Variants in BRCC3 observed in about 807,000 individuals in gnomAD.
BRCC3 encodes lys-63-specific deubiquitinase BRCC36.
BRCC3 carries 15 observed loss-of-function variants against 28.0 expected under a neutral mutation model. The ratio of observed to expected loss-of-function variants is 0.54; its 90% CI spans 0.36 to 0.82. BRCC3 has a LOEUF of 0.82. Ranked by LOEUF, BRCC3 falls within the 40% of genes least tolerant of loss-of-function variation. The probability of loss-of-function intolerance (pLI) is 0.01; values close to 1 mark genes in which losing one functional copy is unlikely to be tolerated. For missense variants in BRCC3, 109 were observed against 225.9 expected, an observed-to-expected ratio of 0.48 and a Z score of 3.32; for synonymous variants, 66 against 80.3, an observed-to-expected ratio of 0.82 and a Z score of 0.95.
chrX:155,100,069 G>A (rs1557296704), intron 7 of BRCC3, among the ~76,000 whole-genome samples: 1 of 111,622 alleles, frequency 9.0e-6, no homozygotes, highest in African/African-American at 3.3e-5. Flanking sequence ...AAAGTTGTAA[G>A]AATAGTATTA....
intron 7 of BRCC3, among the ~76,000 whole-genome samples, chrX:155,091,437 A>G (rs1178381124): frequency 3.6e-5 from 4 of 109,869 alleles, no homozygotes; most frequent in African/African-American, 6.7e-5. Context: ...ACGCGCAGCT[A>G]ATTTTTGTAT....
chrX:155,084,975 A>G (rs1344869278), intron 5 of BRCC3, among the ~76,000 whole-genome samples: 1 of 111,190 alleles, frequency 9.0e-6, no homozygotes, highest in African/African-American at 3.3e-5. Context: ...GTCTCTTAAA[A>G]TTTTTTTTTA....
chrX:155,105,381 G>T (rs1370905087), intron 7 of BRCC3, among the ~76,000 whole-genome samples: 2 of 111,703 alleles, frequency 1.8e-5, no homozygotes, highest in East Asian at 5.6e-4. Flanking sequence ...TACTCGGGAG[G>T]CTGAGGCAGG....
chrX:155,111,549 G>T (rs1228999081), intron 7 of BRCC3, among the ~76,000 whole-genome samples: 1 of 111,836 alleles, frequency 8.9e-6, no homozygotes, highest in Non-Finnish European at 1.9e-5. Context: ...GGGACAGCTG[G>T]ATATCCACAT....
At chrX:155,086,068 A>G (rs1557294808) in intron 5 of BRCC3, among the ~76,000 whole-genome samples, 1 of 111,436 alleles carries the variant, frequency 9.0e-6, no homozygotes, top group Non-Finnish European at 1.9e-5. Flanking sequence ...GTCATGCCCA[A>G]GGGATTCTGA....
At chrX:155,106,739 A>C (rs2074287517) in intron 7 of BRCC3, among the ~76,000 whole-genome samples, 1 of 112,558 alleles carries the variant, frequency 8.9e-6, no homozygotes, top group Non-Finnish European at 1.9e-5. Flanking sequence ...CAGAAATGTA[A>C]GTAGCAGTGA....
intron 3 of BRCC3, among the ~76,000 whole-genome samples, chrX:155,073,853 A>G (rs1189763736): frequency 1.8e-5 from 2 of 111,233 alleles, no homozygotes; most frequent in African/African-American, 6.6e-5. Context: ...CTTTTTTCCT[A>G]TCTGCACTCC....
chrX:155,075,570 A>G (rs1224048314), intron 3 of BRCC3, among the ~76,000 whole-genome samples: 1 of 111,172 alleles, frequency 9.0e-6, no homozygotes, highest in African/African-American at 3.3e-5. Flanking sequence ...CGTTCTACCT[A>G]GTTTCAACCT....
Position 155,090,764 on chromosome X carries a change from TTTC to T in BRCC3, c.493-17_493-15del. The stretch of plus-strand genomic sequence containing the variant: ...TCTTTCTTTGTGTGATATTTCTTTC[TTTC>T]TTTTTTCCTTTGATAGACTGGCCGG... On this transcript the variant is annotated splice_polypyrimidine_tract_variant and intron_variant, in intron 6 of 10. Coordinates refer to ENST00000330045, the MANE Select transcript of BRCC3 (RefSeq NM_001018055.3). 1 of 1,166,490 alleles carries T rather than the reference TTTC, an allele frequency of 8.6e-7. No individual in the cohort carries two copies. The highest frequency in any genetic ancestry group is 1.2e-6 in the Non-Finnish European group (1 of 861,169).
chrX:155,102,935 G>T (rs1288334522), intron 7 of BRCC3, among the ~76,000 whole-genome samples: 3 of 110,774 alleles, frequency 2.7e-5, no homozygotes, highest in Non-Finnish European at 5.7e-5. Flanking sequence ...CATAGTTTTT[G>T]TGTGTGTGTG....
chrX:155,075,292 CCCTGGCCCTT>C (rs1569560417), intron 3 of BRCC3, among the ~76,000 whole-genome samples: 4 of 109,076 alleles, frequency 3.7e-5, no homozygotes, highest in African/African-American at 1.4e-4. Flanking sequence ...CCACTCTTTC[CCCTGGCCCTT>C]CTTGTTCTTC....
At chrX:155,091,117 G>T (rs2074171512) in intron 7 of BRCC3, among the ~76,000 whole-genome samples, 1 of 111,550 alleles carries the variant, frequency 9.0e-6, no homozygotes, top group Non-Finnish European at 1.9e-5. Flanking sequence ...TAACTGAGCT[G>T]CTATTTTTCC....
At chrX:155,115,992 T>C (rs2074352294) in intron 7 of BRCC3, 65 bp from the exon 8 acceptor site, 7 of 1,087,250 alleles carry the variant, frequency 6.4e-6, no homozygotes, top group Non-Finnish European at 8.8e-6. Context: ...CAATTAAAAC[T>C]GTAGAGAACT....
chrX:155,100,838 A>G (rs2074242289), intron 7 of BRCC3, among the ~76,000 whole-genome samples: 1 of 112,081 alleles, frequency 8.9e-6, no homozygotes, highest in East Asian at 2.8e-4. Flanking sequence ...AACTGCATAC[A>G]GGGTGAACAT....
At chrX:155,116,344 G>A (rs184504781) in intron 8 of BRCC3, among the ~76,000 whole-genome samples, 156 bp downstream of exon 8, 34 of 111,700 alleles carry the variant, frequency 3.0e-4, no homozygotes, top group Non-Finnish European at 2.1e-4. Flanking sequence ...TGTTTCTCAC[G>A]TTGTATGATA....
intron 5 of BRCC3, among the ~76,000 whole-genome samples, chrX:155,086,476 G>A (rs966861848): frequency 1.4e-4 from 15 of 111,106 alleles, no homozygotes; most frequent in African/African-American, 4.6e-4. Context: ...TTAGCTTCCC[G>A]AGTAGCTGGG....
intron 7 of BRCC3, among the ~76,000 whole-genome samples, chrX:155,094,999 G>A (rs968532203): frequency 2.7e-5 from 3 of 112,134 alleles, no homozygotes; most frequent in African/African-American, 9.7e-5. Flanking sequence ...TACAGATTGA[G>A]TATCCTTTAT....
Position 155,083,328 on chromosome X carries a change from C to T in BRCC3, c.403+4625C>T, listed in dbSNP as rs185222644. On this transcript the variant is annotated intron_variant, in intron 5 of 10. Transcript: ENST00000330045. ...TTCATTTTCAAACCTCTGAATTCCC[C>T]GTTTCTGCCTTCATGTTCAGCAATG... Among the ~76,000 whole-genome samples the T allele has an allele frequency of 3.4e-3, 378 of 112,273 alleles. 1 individual carries two copies. The highest frequency in any genetic ancestry group is 5.5e-3 in the Non-Finnish European group (293 of 53,210).
chrX:155,118,398 T>C (rs1214612029), intron 9 of BRCC3, among the ~76,000 whole-genome samples: 1 of 111,045 alleles, frequency 9.0e-6, no homozygotes, highest in African/African-American at 3.3e-5. Flanking sequence ...GGCCCAGGGG[T>C]GAAGGGGCAT....
Sources: gnomAD v4.1 joint callset for allele counts (sites outside exome capture counted in the v4.1 genomes callset) on GRCh38, gnomAD v4.1.1 for gene constraint, MANE v1.5 for transcripts, NCBI Gene and HGNC (gene_info 2026-07-23, HGNC 2026-07-21) for gene names.